Variants in MAP7D2 observed in about 807,000 individuals in gnomAD.
MAP7D2 encodes the protein MAP7 domain containing 2.
A neutral mutation model predicts 63.5 loss-of-function variants in MAP7D2; 33 were observed. That is an observed-to-expected ratio of 0.52 (90% CI 0.39 to 0.70). The LOEUF is 0.70. MAP7D2 is among the 30% of genes least tolerant of loss of function. The pLI is 0.00. For synonymous variants in MAP7D2, 224 were observed against 223.7 expected (o/e 1.00, Z -0.01); for missense variants, 626 against 604.0 (o/e 1.04, Z -0.38).
chrX:20,062,023 T>C (rs2065236504), intron 3 of MAP7D2, among the ~76,000 whole-genome samples: 1 of 112,571 alleles, frequency 8.9e-6, no homozygotes, highest in Non-Finnish European at 1.9e-5. Context: ...CAGCCTATTA[T>C]ACTGTGGCTT....
chrX:20,013,108 G>A lies in MAP7D2; in HGVS notation c.1831C>T (p.Gln611Ter). ...VKKEDPKVGVQPAVCVEKKTK... is the reference protein window; with the variant it reads ...VKKEDPKVGV Reference sequence around the variant, plus strand: ...TTCTTTTCCACACACACAGCAGGCTGGACCCCCACTTTGGGGTCTTCTTTC... The same window carrying A: ...TTCTTTTCCACACACACAGCAGGCTAGACCCCCACTTTGGGGTCTTCTTTC... The change falls in exon 14 of 17, where the codon CAG (glutamine) becomes TAG (stop). Residue 611 changes from glutamine (Q) to a stop codon, truncating the protein, a stop_gained. Transcript: ENST00000379643. LOFTEE classifies it high-confidence loss of function. The A allele has an allele frequency of 8.3e-7, 1 of 1,209,917 alleles. No individual in the cohort carries two copies. Among genetic ancestry groups the A allele is most frequent in the South Asian group, 1.8e-5 (1 of 56,640 alleles).
rs997543022 is a variant in MAP7D2 at position 20,064,131 on chromosome X, C to T, written c.209-554G>A. Among the ~76,000 whole-genome samples the T allele has an allele frequency of 2.7e-5, 3 of 111,739 alleles. No homozygotes were observed. In the East Asian group the frequency reaches 8.5e-4, roughly 31 times the overall value. On this transcript the variant is annotated intron_variant, in intron 2 of 16. Transcript: ENST00000379643. ...CACCTAGCCAAGGCAGGGAAGGGTT[C>T]CCTGGAGGAGGCAATGCTTGTACCG...
intron 3 of MAP7D2, 57 bp from the exon 4 acceptor site, chrX:20,056,848 C>A: frequency 9.5e-7 from 1 of 1,050,487 alleles, no homozygotes; most frequent in Non-Finnish European, 1.3e-6. Flanking sequence ...CCCCACCACA[C>A]TACCTGCTGC....
At chrX:20,021,218 C>T (rs2073626766) in intron 10 of MAP7D2, 1 of 111,658 alleles carries the variant, frequency 9.0e-6, no homozygotes, top group Non-Finnish European at 1.9e-5. Context: ...GGGAATGGAC[C>T]AACTTTTGTT....
chrX:20,116,407 TA>T, intron 1 of MAP7D2: 1 of 257,059 alleles, frequency 3.9e-6, no homozygotes, highest in Non-Finnish European at 5.5e-6. Flanking sequence ...CGGTTTATCC[TA>T]ACGACCCCCA....
intron 1 of MAP7D2, among the ~76,000 whole-genome samples, chrX:20,108,954 G>C (rs2066650738): frequency 9.1e-6 from 1 of 109,750 alleles, no homozygotes; most frequent in Admixed American, 9.9e-5. Flanking sequence ...GTTCATTCCT[G>C]GTAAACTAGG....
chrX:20,061,118 CAAAAAAAAAAAA>C (rs780468494), intron 3 of MAP7D2, among the ~76,000 whole-genome samples: 1 of 34,878 alleles, frequency 2.9e-5, no homozygotes, highest in African/African-American at 1.1e-4. Context: ...AGAACATGAC[CAAAAAAAAAAAA>C]AAAAAAAAAA....
intron 15 of MAP7D2, among the ~76,000 whole-genome samples, chrX:20,011,502 T>C (rs762508436): frequency 1.8e-5 from 2 of 112,665 alleles, no homozygotes; most frequent in East Asian, 5.6e-4. Context: ...CTTGGGCGAA[T>C]TGCTTTTCCT....
intron 8 of MAP7D2, among the ~76,000 whole-genome samples, chrX:20,042,005 G>C (rs1295252568): frequency 1.8e-5 from 2 of 110,838 alleles, no homozygotes; most frequent in Non-Finnish European, 3.8e-5. Context: ...AACAGTCACT[G>C]TACTCCAGGC....
At chrX:20,028,281 T>C (rs2073936068) in intron 8 of MAP7D2, among the ~76,000 whole-genome samples, 1 of 112,071 alleles carries the variant, frequency 8.9e-6, no homozygotes, top group Non-Finnish European at 1.9e-5. Flanking sequence ...CCAGCGCAGC[T>C]AAGTCTGAGT....
intron 1 of MAP7D2, among the ~76,000 whole-genome samples, chrX:20,078,942 G>T (rs1449187313): frequency 9.1e-6 from 1 of 109,488 alleles, no homozygotes; most frequent in Non-Finnish European, 1.9e-5. Context: ...CATTGGGTAG[G>T]CTAGGCCCCG....
chrX:20,061,642 C>T (rs2065228181), intron 3 of MAP7D2, among the ~76,000 whole-genome samples: 1 of 112,510 alleles, frequency 8.9e-6, no homozygotes, highest in Non-Finnish European at 1.9e-5. Context: ...AGGGAAACCA[C>T]AAAAGATTCA....
At chrX:20,066,895 G>A (rs1158568593) in intron 1 of MAP7D2, among the ~76,000 whole-genome samples, 1 of 112,083 alleles carries the variant, frequency 8.9e-6, no homozygotes, top group Admixed American at 9.5e-5. Flanking sequence ...TACAGCTCCG[G>A]CCACTGTCCC....
chrX:20,044,359 C>A lies in MAP7D2; in HGVS notation c.879+5G>T. 8.3e-7 allele frequency: 1 copy of A among 1,209,699 alleles called. No homozygotes were observed. The highest frequency in any genetic ancestry group is 1.1e-6 in the Non-Finnish European group (1 of 894,089). Reference sequence around the variant, plus strand: ...GAGTGAGTGGGTGGGTGGTTTTAAACCTACCAGAGAGGCCTCTCCTCCTGA... The same window carrying A: ...GAGTGAGTGGGTGGGTGGTTTTAAAACTACCAGAGAGGCCTCTCCTCCTGA... On this transcript the variant is annotated splice_donor_5th_base_variant and intron_variant, in intron 7 of 16. Coordinates refer to ENST00000379643, the MANE Select transcript of MAP7D2 (RefSeq NM_001168465.2).
rs756789724 is a variant in MAP7D2 at position 20,048,158 on chromosome X, C to T, written c.718+2666G>A. Among the ~76,000 whole-genome samples the T allele has an allele frequency of 2.7e-5, 3 of 111,739 alleles. No individual in the cohort carries two copies. In the South Asian group the frequency reaches 1.1e-3, roughly 42 times the overall value. ...GGAACGTACATTTTAGGACGATCCC[C>T]CTTTAACTGTTGAGTGGCTCACAGG... On this transcript the variant is annotated intron_variant, in intron 6 of 16. Transcript: ENST00000379643.
At chrX:20,097,178 A>G (rs1448675331) in intron 1 of MAP7D2, among the ~76,000 whole-genome samples, 1 of 112,427 alleles carries the variant, frequency 8.9e-6, no homozygotes, top group African/African-American at 3.2e-5. Flanking sequence ...AAGAAACTGA[A>G]TTGTTACTTT....
rs2064695035 is a variant in MAP7D2 at position 20,042,781 on chromosome X, G to C, written c.880-152C>G. 32 of 634,280 alleles carry C rather than the reference G, an allele frequency of 5.0e-5. No homozygotes were observed. In the South Asian group the frequency reaches 1.1e-3, roughly 23 times the overall value. The allele number at this position is 634,280 out of a possible 1,213,427, so 52.3% of individuals were successfully genotyped here. The stretch of plus-strand genomic sequence containing the variant: ...CACATGACAGGCATCTTTGCGGGGA[G>C]GCAGGATGAGGTCATCACATTTGCA... On this transcript the variant is annotated intron_variant, in intron 7 of 16. Transcript: ENST00000379643.
chrX:20,059,950 C>T (rs752028001), intron 3 of MAP7D2, among the ~76,000 whole-genome samples: 8 of 110,956 alleles, frequency 7.2e-5, no homozygotes, highest in African/African-American at 2.6e-4. Flanking sequence ...GACACTGTTA[C>T]TCAGACAGCA....
intron 4 of MAP7D2, among the ~76,000 whole-genome samples, chrX:20,054,214 T>G (rs2065016988): frequency 8.9e-6 from 1 of 112,380 alleles, no homozygotes; most frequent in Non-Finnish European, 1.9e-5. Flanking sequence ...CTATTTAAAG[T>G]TGAAATTATA....
Sources: allele counts gnomAD v4.1 joint callset (sites outside exome capture counted in the v4.1 genomes callset), GRCh38; gene constraint gnomAD v4.1.1; transcripts MANE v1.5; gene names NCBI Gene and HGNC (gene_info 2026-07-23, HGNC 2026-07-21).